Variants in RMST observed in about 807,000 individuals in gnomAD.
The protein encoded by RMST is long intergenic non-protein coding RNA 54.
chr12:97,520,887 C>T (rs187836686), intron 10 of RMST, among the ~76,000 whole-genome samples: 3 of 152,296 alleles, frequency 2.0e-5, no homozygotes, highest in Admixed American at 2.0e-4. Context: ...TCCTGCTGGG[C>T]AGTGTTCCTC....
intron 5 of RMST, among the ~76,000 whole-genome samples, chr12:97,480,089 C>CTTTT (rs369247317): frequency 1.1e-5 from 1 of 90,964 alleles, no homozygotes; most frequent in African/African-American, 3.8e-5. Flanking sequence ...TTTCTTTTTT[C>CTTTT]TTTTTTTTTC....
chr12:97,549,661 A>G (rs1361432993), intron 11 of RMST, among the ~76,000 whole-genome samples: 1 of 152,218 alleles, frequency 6.6e-6, no homozygotes, highest in East Asian at 1.9e-4. Flanking sequence ...CATGCTTTTC[A>G]CAAACTCAAT....
intron 9 of RMST, among the ~76,000 whole-genome samples, chr12:97,495,188 C>T (rs988417727): frequency 8.1e-5 from 12 of 147,860 alleles, no homozygotes; most frequent in South Asian, 2.2e-4. Flanking sequence ...GGGGGGGAGC[C>T]GCTGGGAAAG....
chr12:97,476,296 T>C (rs1874542660), intron 5 of RMST, among the ~76,000 whole-genome samples: 1 of 152,218 alleles, frequency 6.6e-6, no homozygotes, highest in Non-Finnish European at 1.5e-5. Flanking sequence ...TTCATTCTAC[T>C]GTGGCTTCAT....
intron 11 of RMST, among the ~76,000 whole-genome samples, chr12:97,553,276 A>T (rs1226096876): frequency 6.6e-6 from 1 of 152,196 alleles, no homozygotes; most frequent in African/African-American, 2.4e-5. Context: ...AGAATAATTC[A>T]TTGAACTAAC....
chr12:97,537,908 T>C (rs1882192941), intron 11 of RMST, among the ~76,000 whole-genome samples: 1 of 151,438 alleles, frequency 6.6e-6, no homozygotes, highest in South Asian at 2.1e-4. Flanking sequence ...TGTGTTTTTT[T>C]GTGGGAAACT....
At chr12:97,510,472 C>T (rs928206227) in intron 10 of RMST, among the ~76,000 whole-genome samples, 15 of 152,178 alleles carry the variant, frequency 9.9e-5, no homozygotes, top group African/African-American at 2.4e-4. Flanking sequence ...TGGACCATTA[C>T]GTGCTCTTAT....
chr12:97,563,707 C>T, intron 13 of RMST: 1 of 436,192 alleles, frequency 2.3e-6, no homozygotes, highest in East Asian at 7.1e-5. Context: ...TGCTTCCTGT[C>T]ACTTATGTGT....
intron 10 of RMST, among the ~76,000 whole-genome samples, chr12:97,500,984 C>T (rs1221251016): frequency 6.6e-6 from 1 of 152,206 alleles, no homozygotes; most frequent in Non-Finnish European, 1.5e-5. Context: ...CATAAAATTA[C>T]TCTGCCACTT....
chr12:97,564,149 G>A (rs1884358359), intron 13 of RMST: 1 of 305,210 alleles, frequency 3.3e-6, no homozygotes, highest in African/African-American at 2.2e-5. Context: ...TTCTATTAAA[G>A]AACATGCTCT....
At chr12:97,514,171 T>C (rs534363265) in intron 10 of RMST, among the ~76,000 whole-genome samples, 2 of 152,324 alleles carry the variant, frequency 1.3e-5, no homozygotes, top group Admixed American at 1.3e-4. Flanking sequence ...TTGGATTCTA[T>C]GACTCTGAAA....
In RMST at chr12:97,524,075, CAAAA is replaced by C. The variant is rs537840796; in HGVS notation, n.1341-6555_1341-6552del. ...TGGGCAACAGAGTGAGACTCTGTCT[CAAAA>C]AAAAAAAAAAAAAAAAAAAAAAAAT... is the stretch of plus-strand genomic sequence containing the variant. On this transcript the variant is annotated intron_variant and non_coding_transcript_variant, in intron 10 of 13. Coordinates refer to ENST00000640149, the Ensembl canonical transcript of RMST. 8.4e-4 allele frequency among the ~76,000 whole-genome samples: 47 copies of C among 56,126 alleles called. 7 individuals carry two copies. The highest frequency in any genetic ancestry group is 4.3e-3 in the Admixed American group (19 of 4,444). The allele number at this position is 56,126 out of a possible 152,430, so 36.8% of individuals were successfully genotyped here.
At chr12:97,489,785 A>T (rs1162412468) in intron 5 of RMST, among the ~76,000 whole-genome samples, 2 of 152,228 alleles carry the variant, frequency 1.3e-5, no homozygotes, top group Non-Finnish European at 2.9e-5. Context: ...CATATTTATC[A>T]AATGCTTGAT....
intron 11 of RMST, among the ~76,000 whole-genome samples, chr12:97,538,848 C>T (rs1882292715): frequency 6.6e-6 from 1 of 151,302 alleles, no homozygotes; most frequent in Non-Finnish European, 1.5e-5. Context: ...AATGGAGTCT[C>T]ATACTAAAAA....
chr12:97,547,777 T>C (rs894066654), intron 11 of RMST, among the ~76,000 whole-genome samples: 4 of 152,168 alleles, frequency 2.6e-5, no homozygotes, highest in Non-Finnish European at 4.4e-5. Context: ...GAGTTCTTTA[T>C]ATATTTTGGA....
intron 5 of RMST, chr12:97,491,876 G>C: frequency 1.9e-6 from 1 of 518,798 alleles, no homozygotes; most frequent in South Asian, 1.4e-5. Flanking sequence ...ATTAGGTGAA[G>C]AAACTCCACC....
At chr12:97,513,675 A>G (rs1448867758) in intron 10 of RMST, among the ~76,000 whole-genome samples, 3 of 152,160 alleles carry the variant, frequency 2.0e-5, no homozygotes, top group South Asian at 4.1e-4. Context: ...AACTGCAATG[A>G]GTTTTATTTT....
At chr12:97,492,679 A>G (rs1196389598) in intron 6 of RMST, 2 of 152,198 alleles carry the variant, frequency 1.3e-5, no homozygotes, top group South Asian at 2.1e-4. Flanking sequence ...AGAAAAGTAG[A>G]AAGGCTGATG....
At chr12:97,561,726 A>G (rs1186361903) in intron 13 of RMST, among the ~76,000 whole-genome samples, 1 of 129,698 alleles carries the variant, frequency 7.7e-6, no homozygotes, top group African/African-American at 3.0e-5. Flanking sequence ...CTCCGTGCCC[A>G]GGTCTACTCC....
Sources: gnomAD v4.1 joint callset for allele counts (sites outside exome capture counted in the v4.1 genomes callset) on GRCh38, gnomAD v4.1.1 for gene constraint, MANE v1.5 for transcripts, NCBI Gene and HGNC (gene_info 2026-07-23, HGNC 2026-07-21) for gene names.